Variants in LOC400499 observed in about 807,000 individuals in gnomAD.
the LOC400499 span, among the ~76,000 whole-genome samples, chr16:11,390,690 G>A: frequency 1.3e-5 from 2 of 152,330 alleles, no homozygotes; most frequent in Non-Finnish European, 2.9e-5. Flanking sequence ...TGGGAACTTG[G>A]ATTGGGGGAG....
At chr16:11,501,945 G>T in the LOC400499 span, 1 of 394,574 alleles carries the variant, frequency 2.5e-6, no homozygotes, top group African/African-American at 2.1e-5. Flanking sequence ...GGACAAGTCA[G>T]TGTCAAGGGG....
At chr16:11,385,777 T>C in the LOC400499 span, among the ~76,000 whole-genome samples, 1 of 152,214 alleles carries the variant, frequency 6.6e-6, no homozygotes, top group Non-Finnish European at 1.5e-5. Flanking sequence ...GATTGGTGGC[T>C]GCAGGGTTTC....
the LOC400499 span, chr16:11,447,860 C>T: frequency 6.9e-7 from 1 of 1,453,822 alleles, no homozygotes; most frequent in South Asian, 1.4e-5. Context: ...CCATCCTGTT[C>T]CCCCTGGGGA....
At chr16:11,374,029 T>C in the LOC400499 span, among the ~76,000 whole-genome samples, 1 of 152,346 alleles carries the variant, frequency 6.6e-6, no homozygotes, top group African/African-American at 2.4e-5. Flanking sequence ...TTTTCAGATA[T>C]ATAATTTTCA....
the LOC400499 span, among the ~76,000 whole-genome samples, chr16:11,486,116 T>C: frequency 1.5e-5 from 2 of 136,444 alleles, no homozygotes; most frequent in African/African-American, 5.7e-5. Flanking sequence ...GAATGATACA[T>C]GGGTAGACAG....
At chr16:11,457,978 G>A in the LOC400499 span, among the ~76,000 whole-genome samples, 6 of 152,192 alleles carry the variant, frequency 3.9e-5, no homozygotes, top group African/African-American at 1.4e-4. Context: ...GAGGCAGGTG[G>A]ATCACCTGGG....
At chr16:11,487,431 A>G in the LOC400499 span, 1 of 398,616 alleles carries the variant, frequency 2.5e-6, no homozygotes, top group East Asian at 3.6e-5. Flanking sequence ...ACACTCACAG[A>G]GTGGGGTCTG....
chr16:11,525,081 C>T, the LOC400499 span, among the ~76,000 whole-genome samples: 55,708 of 151,776 alleles, frequency 0.37, 10,423 homozygotes, highest in East Asian at 0.56. Context: ...CTCAGGAGTT[C>T]GAGACCAGCC....
chr16:11,463,704 T>C, the LOC400499 span, among the ~76,000 whole-genome samples: 5 of 152,188 alleles, frequency 3.3e-5, no homozygotes, highest in African/African-American at 1.2e-4. Flanking sequence ...CAGATATGTA[T>C]ATATGGATGT....
chr16:11,460,637 G>A, the LOC400499 span: 3 of 1,501,404 alleles, frequency 2.0e-6, no homozygotes, highest in Non-Finnish European at 2.7e-6. Context: ...AGAGACCCCT[G>A]CCCTCCTCTG....
the LOC400499 span, among the ~76,000 whole-genome samples, chr16:11,526,280 A>T: frequency 6.6e-6 from 1 of 152,210 alleles, no homozygotes; most frequent in Non-Finnish European, 1.5e-5. Context: ...CACTTATTAT[A>T]AGACTTTCAG....
chr16:11,440,549 A>G, the LOC400499 span, among the ~76,000 whole-genome samples: 2 of 152,212 alleles, frequency 1.3e-5, no homozygotes, highest in African/African-American at 4.8e-5. Flanking sequence ...GTTTACAACA[A>G]CAGTCAATGC....
the LOC400499 span, among the ~76,000 whole-genome samples, chr16:11,426,482 C>G: frequency 6.6e-6 from 1 of 151,856 alleles, no homozygotes; most frequent in Non-Finnish European, 1.5e-5. Flanking sequence ...AAACCAATAG[C>G]AAACATTAAA....
chr16:11,447,409 A>G, the LOC400499 span, among the ~76,000 whole-genome samples: 733 of 152,240 alleles, frequency 4.8e-3, 4 homozygotes, highest in African/African-American at 0.017. Context: ...GTTCTCTGCC[A>G]TTTTCCATGT....
the LOC400499 span, chr16:11,424,303 C>G: frequency 2.5e-6 from 1 of 399,496 alleles, no homozygotes; most frequent in Non-Finnish European, 4.4e-6. Flanking sequence ...TTGGAAGCCA[C>G]GTGGGTGAGA....
At chr16:11,443,789 A>G in the LOC400499 span, among the ~76,000 whole-genome samples, 1 of 152,038 alleles carries the variant, frequency 6.6e-6, no homozygotes, top group African/African-American at 2.4e-5. Context: ...AGGGAGCCAC[A>G]TGTCAAGACC....
chr16:11,396,793 C>T, the LOC400499 span: 1 of 805,422 alleles, frequency 1.2e-6, no homozygotes, highest in Non-Finnish European at 1.7e-6. Flanking sequence ...ACACCTGTCG[C>T]AGCTCACAGC....
At chr16:11,409,711 G>A in the LOC400499 span, among the ~76,000 whole-genome samples, 4 of 152,182 alleles carry the variant, frequency 2.6e-5, no homozygotes, top group Non-Finnish European at 5.9e-5. Flanking sequence ...TTAATTCAAC[G>A]TTCAGTTTCT....
the LOC400499 span, among the ~76,000 whole-genome samples, chr16:11,413,315 G>T: frequency 2.0e-5 from 3 of 152,188 alleles, no homozygotes; most frequent in African/African-American, 7.2e-5. Context: ...ACAGGGCTGA[G>T]ATCCTTTGCA....
Sources: gnomAD v4.1 joint callset for allele counts (sites outside exome capture counted in the v4.1 genomes callset) on GRCh38, gnomAD v4.1.1 for gene constraint, MANE v1.5 for transcripts.